Variants in HSBP1 observed in about 807,000 individuals in gnomAD.
HSBP1 encodes the protein heat shock factor binding protein 1.
A neutral mutation model predicts 9.6 loss-of-function variants in HSBP1; 5 were observed. The ratio of observed to expected loss-of-function variants is 0.52; its 90% CI spans 0.27 to 1.09. The LOEUF (loss-of-function observed/expected upper bound fraction) is 1.09. HSBP1 is among the 50% of genes least tolerant of loss of function. The pLI is 0.11. For synonymous variants in HSBP1, 42 were observed against 33.3 expected, an observed-to-expected ratio of 1.26 and a Z score of -0.90; for missense variants, 121 against 96.3, an observed-to-expected ratio of 1.26 and a Z score of -1.07.
intron 3 of HSBP1, among the ~76,000 whole-genome samples, chr16:83,810,512 ACT>A (rs1439138003): frequency 8.4e-6 from 1 of 119,018 alleles, no homozygotes; most frequent in Non-Finnish European, 1.6e-5. Context: ...ACAGAGTGAG[ACT>A]CTGTCTCAAA....
rs42295 is a variant in HSBP1, at chr16:83,819,490, G to A, written c.*8072G>A. 79,461 of 151,852 alleles carry A rather than the reference G, an allele frequency of 0.52. 21,644 individuals are homozygous for A. The highest frequency in any genetic ancestry group is 0.61 in the Non-Finnish European group (41,219 of 67,966). The allele number at this position is 151,852 out of a possible 1,614,324, so 9.4% of individuals were successfully genotyped here. On this transcript the variant is annotated 3_prime_UTR_variant, in exon 4 of 4. Coordinates refer to ENST00000433866, the MANE Select transcript of HSBP1 (RefSeq NM_001537.4). ...AACCGAGGAGTCCACCCCTAAGCCC[G>A]AGGAACTGAGCGTGAAGAGCCCTGA...
chr16:83,808,085 G>A lies in HSBP1; in HGVS notation c.9G>A (p.Glu3=). The part of the protein sequence containing the change: MA[E]TDPKTVQDLT... ...AGCTGGGCATCGGGGAGATGGCCGA[G>A]ACTGACCCCAAGACCGTGCAGGACC... is the stretch of plus-strand genomic sequence containing the variant. The change falls in exon 1 of 4, where the codon GAG becomes GAA. Residue 3 remains glutamate, a synonymous_variant. Coordinates refer to ENST00000433866, the MANE Select transcript of HSBP1 (RefSeq NM_001537.4). 3 of 1,546,266 alleles carry A rather than the reference G, an allele frequency of 1.9e-6. No homozygotes were observed. Among genetic ancestry groups the A allele is most frequent in the African/African-American group, 1.4e-5 (1 of 72,178 alleles).
At chr16:83,809,042 G>A (rs1904533609) in intron 2 of HSBP1, 1 of 547,390 alleles carries the variant, frequency 1.8e-6, no homozygotes, top group Non-Finnish European at 3.2e-6. Flanking sequence ...GACCTTATGA[G>A]TGGGTTGTAG....
At chr16:83,808,162 G>T in intron 1 of HSBP1, 41 bp downstream of exon 1, 1 of 1,515,688 alleles carries the variant, frequency 6.6e-7, no homozygotes, top group Non-Finnish European at 8.9e-7. Flanking sequence ...CGGCCTTCCC[G>T]GGCGGCGCCG....
In HSBP1 at chr16:83,808,124, A is replaced by C; in HGVS notation, c.45+3A>C. 2 of 1,545,938 alleles carry C rather than the reference A, an allele frequency of 1.3e-6. No individual in the cohort carries two copies. The highest frequency in any genetic ancestry group is 1.2e-5 in the South Asian group (1 of 83,980). On this transcript the variant is annotated splice_donor_region_variant and intron_variant, in intron 1 of 3. Transcript: ENST00000433866. The stretch of plus-strand genomic sequence containing the variant: ...CCGTGCAGGACCTCACCTCGGTGGT[A>C]AGGGACGGCTGTGAGGGCCGGAGGC...
chr16:83,817,882 T>C lies in HSBP1; in HGVS notation c.*6464T>C, dbSNP rs1904756889. 1 of 152,212 alleles carries C rather than the reference T, an allele frequency of 6.6e-6. No homozygotes were observed. Among genetic ancestry groups the C allele is most frequent in the African/African-American group, 2.4e-5 (1 of 41,440 alleles). 9.4% of individuals were successfully genotyped at this position (152,212 alleles called of 1,614,324 possible). ...CCGAATTATTCATGGAACAGAAGCC[T>C]AGGACTGGTAAGTCCAGGAAATGCT... On this transcript the variant is annotated 3_prime_UTR_variant, in exon 4 of 4. Coordinates refer to ENST00000433866, the MANE Select transcript of HSBP1 (RefSeq NM_001537.4).
Position 83,808,787 on chromosome 16 carries a change from G to A in HSBP1, c.112+41G>A, listed in dbSNP as rs1217582498. On this transcript the variant is annotated intron_variant, in intron 2 of 3. Transcript: ENST00000433866. ...GCAGTCGGCCTCCTGTGGGCCTTTG[G>A]AGCCTATTTGCCGGGCAGTGGTGGG... 5 of 1,478,288 alleles carry A rather than the reference G, an allele frequency of 3.4e-6. No homozygotes were observed. In the African/African-American group the frequency reaches 6.9e-5, roughly 20 times the overall value. 91.6% of individuals were successfully genotyped at this position (1,478,288 alleles called of 1,614,324 possible). A position where few individuals can be genotyped will look rare whatever the true frequency, so the allele number is the denominator to read the frequency against.
In HSBP1 at chr16:83,815,432, A is replaced by G. The variant is rs1904696823; in HGVS notation, c.*4014A>G. ...GAGGCTGAGGTGGGAGGATCATTTG[A>G]GCCCAGGAAGTCGAGGTTGCAGTGA... On this transcript the variant is annotated 3_prime_UTR_variant, in exon 4 of 4. Transcript: ENST00000433866. 6.6e-6 allele frequency: 1 copy of G among 151,380 alleles called. No individual in the cohort carries two copies. Among genetic ancestry groups the G allele is most frequent in the Non-Finnish European group, 1.5e-5 (1 of 68,008 alleles). 9.4% of individuals were successfully genotyped at this position (151,380 alleles called of 1,614,324 possible). A position where few individuals can be genotyped will look rare whatever the true frequency, so the allele number is the denominator to read the frequency against.
chr16:83,819,606 G>C lies in HSBP1; in HGVS notation c.*8188G>C, dbSNP rs1003553545. On this transcript the variant is annotated 3_prime_UTR_variant, in exon 4 of 4. Coordinates refer to ENST00000433866, the MANE Select transcript of HSBP1 (RefSeq NM_001537.4). ...TCATTTCAACTCTTAAGCCACAAAA[G>C]GATATCCAATCATTTAAAGCTTCCT... is the stretch of plus-strand genomic sequence containing the variant. 1 of 152,056 alleles carries C rather than the reference G, an allele frequency of 6.6e-6. No homozygotes were observed. Among genetic ancestry groups the C allele is most frequent in the Non-Finnish European group, 1.5e-5 (1 of 68,028 alleles). 9.4% of individuals were successfully genotyped at this position (152,056 alleles called of 1,614,324 possible). A position where few individuals can be genotyped will look rare whatever the true frequency, so the allele number is the denominator to read the frequency against.
chr16:83,815,142 T>C lies in HSBP1; in HGVS notation c.*3724T>C, dbSNP rs1904690339. 6.6e-6 allele frequency: 1 copy of C among 152,176 alleles called. No homozygotes were observed. The highest frequency in any genetic ancestry group is 1.5e-5 in the Non-Finnish European group (1 of 68,040). 9.4% of individuals were successfully genotyped at this position (152,176 alleles called of 1,614,324 possible). A position where few individuals can be genotyped will look rare whatever the true frequency, so the allele number is the denominator to read the frequency against. On this transcript the variant is annotated 3_prime_UTR_variant, in exon 4 of 4. Coordinates refer to ENST00000433866, the MANE Select transcript of HSBP1 (RefSeq NM_001537.4). ...TTTAGCTGCAGCCACTTGAGAACTT[T>C]TCAATGAATGAAAATGAGGGAGGGG...
At chr16:83,808,313 G>T in intron 1 of HSBP1, 192 bp downstream of exon 1, 2 of 571,760 alleles carry the variant, frequency 3.5e-6, no homozygotes, top group Non-Finnish European at 6.1e-6. Flanking sequence ...GTCTCCCCGC[G>T]GGCGCCCCCA....
chr16:83,811,043 G>A lies in HSBP1; in HGVS notation c.*3-378G>A, dbSNP rs528517581. ...TAAATCACATAACTGCTTTCTATGG[G>A]TTATGTCATCGTTATTCTTATCCAG... On this transcript the variant is annotated intron_variant, in intron 3 of 3. Coordinates refer to ENST00000433866, the MANE Select transcript of HSBP1 (RefSeq NM_001537.4). Among the ~76,000 whole-genome samples, 3 of 152,252 alleles carry A rather than the reference G, an allele frequency of 2.0e-5. No individual in the cohort carries two copies. In the East Asian group the frequency reaches 5.8e-4, roughly 29 times the overall value.
Position 83,808,066 on chromosome 16 carries a change from G to A in HSBP1, c.-11G>A. On this transcript the variant is annotated 5_prime_UTR_variant, in exon 1 of 4. Coordinates refer to ENST00000433866, the MANE Select transcript of HSBP1 (RefSeq NM_001537.4). ...GTCTGAGACATCACCGCCAAGCTGG[G>A]CATCGGGGAGATGGCCGAGACTGAC... 1 of 1,543,548 alleles carries A rather than the reference G, an allele frequency of 6.5e-7. No homozygotes were observed. Among genetic ancestry groups the A allele is most frequent in the South Asian group, 1.2e-5 (1 of 83,874 alleles).
chr16:83,808,443 C>T (rs1359157050), intron 1 of HSBP1: 2 of 568,944 alleles, frequency 3.5e-6, no homozygotes, highest in South Asian at 2.2e-5. Context: ...TGCCCCAGCC[C>T]GGCAGAAACA....
At position 83,814,796 on chromosome 16, in the gene HSBP1, G is replaced by A. The variant is rs894371158; in HGVS notation, c.*3378G>A. ...GCCTTTTTTCTCCTAAATCAGTTGAGAACAACAACAGAAACAAATGACATT... is the reference window on the plus strand; with the variant it reads ...GCCTTTTTTCTCCTAAATCAGTTGAAAACAACAACAGAAACAAATGACATT... On this transcript the variant is annotated 3_prime_UTR_variant, in exon 4 of 4. Transcript: ENST00000433866. 1.3e-5 allele frequency: 2 copies of A among 152,170 alleles called. No individual in the cohort carries two copies. The highest frequency in any genetic ancestry group is 2.9e-5 in the Non-Finnish European group (2 of 68,036). The allele number at this position is 152,170 out of a possible 1,614,324, so 9.4% of individuals were successfully genotyped here. A position where few individuals can be genotyped will look rare whatever the true frequency, so the allele number is the denominator to read the frequency against.
At position 83,808,264 on chromosome 16, in the gene HSBP1, C is replaced by G. The variant is rs908532432; in HGVS notation, c.45+143C>G. 90 of 732,590 alleles carry G rather than the reference C, an allele frequency of 1.2e-4. No homozygotes were observed. In the East Asian group the frequency reaches 2.8e-3, roughly 23 times the overall value. The allele number at this position is 732,590 out of a possible 1,614,324, so 45.4% of individuals were successfully genotyped here. On this transcript the variant is annotated intron_variant, in intron 1 of 3. Coordinates refer to ENST00000433866, the MANE Select transcript of HSBP1 (RefSeq NM_001537.4). ...TCTGGAAGCGTCTCTGGCCGAGGCT[C>G]CCGGCCACCTTGACCCCCGGGGCGC...
At position 83,808,149 on chromosome 16, in the gene HSBP1, C is replaced by CCGCGG. The variant is rs981354235; in HGVS notation, c.45+30_45+34dup. 17 of 1,537,826 alleles carry CCGCGG rather than the reference C, an allele frequency of 1.1e-5. No individual in the cohort carries two copies. The African/African-American group carries it at 2.1e-4, about 19-fold the overall frequency. ...AAGGGACGGCTGTGAGGGCCGGAGGCCGCGGCCTTCCCGGGCGGCGCCGGG... is the reference window on the plus strand; with the variant it reads ...AAGGGACGGCTGTGAGGGCCGGAGGCCGCGGCGCGGCCTTCCCGGGCGGCGCCGGG... On this transcript the variant is annotated intron_variant, in intron 1 of 3. Coordinates refer to ENST00000433866, the MANE Select transcript of HSBP1 (RefSeq NM_001537.4).
intron 2 of HSBP1, 178 bp from the exon 3 acceptor site, chr16:83,809,127 G>A (rs1451357968): frequency 7.0e-6 from 4 of 568,424 alleles, no homozygotes; most frequent in Non-Finnish European, 1.2e-5. Context: ...GCTGGAATCC[G>A]ATGCGGGGTA....
In HSBP1 at chr16:83,815,167, G is replaced by C. The variant is rs944876286; in HGVS notation, c.*3749G>C. 5.3e-5 allele frequency: 8 copies of C among 152,106 alleles called. No individual in the cohort carries two copies. Among genetic ancestry groups the C allele is most frequent in the African/African-American group, 1.7e-4 (7 of 41,410 alleles). 9.4% of individuals were successfully genotyped at this position (152,106 alleles called of 1,614,324 possible). On this transcript the variant is annotated 3_prime_UTR_variant, in exon 4 of 4. Coordinates refer to ENST00000433866, the MANE Select transcript of HSBP1 (RefSeq NM_001537.4). ...TTCAATGAATGAAAATGAGGGAGGG[G>C]AGATGCAAGTCACTGCCCAAAAACA...
Sources: gnomAD v4.1 joint callset for allele counts (sites outside exome capture counted in the v4.1 genomes callset) on GRCh38, gnomAD v4.1.1 for gene constraint, MANE v1.5 for transcripts, NCBI Gene and HGNC (gene_info 2026-07-23, HGNC 2026-07-21) for gene names.